The following FTO variants were observed in gnomAD, a reference collection of about 807,000 sequenced individuals.
FTO encodes the protein alpha-ketoglutarate-dependent dioxygenase FTO.
A neutral mutation model predicts 63.9 loss-of-function variants in FTO; 47 were observed. That is an observed-to-expected ratio of 0.74 (90% CI 0.58 to 0.94). The LOEUF (loss-of-function observed/expected upper bound fraction) is 0.94. Ranked by LOEUF, FTO falls within the 40% of genes least tolerant of loss-of-function variation. The probability of loss-of-function intolerance (pLI) is 0.00; values close to 1 mark genes in which losing one functional copy is unlikely to be tolerated. For synonymous variants in FTO, 207 were observed against 224.4 expected (o/e 0.92, Z 0.69); for missense variants, 562 against 618.1 (o/e 0.91, Z 0.96).
intron 4 of FTO, among the ~76,000 whole-genome samples, chr16:53,852,070 A>G (rs1356860144): frequency 2.0e-5 from 3 of 149,680 alleles, no homozygotes; most frequent in Non-Finnish European, 3.0e-5. Flanking sequence ...AGCCTGGGCA[A>G]CATGGCAAAA....
At chr16:53,873,744 TAATAA>T in intron 4 of FTO, 37 bp from the exon 5 acceptor site, 1 of 1,430,162 alleles carries the variant, frequency 7.0e-7, no homozygotes, top group Non-Finnish European at 9.9e-7. Flanking sequence ...ATATACTGAC[TAATAA>T]ATATGGTTTT....
chr16:54,082,343 C>G (rs1246301054), intron 8 of FTO, among the ~76,000 whole-genome samples: 2 of 152,146 alleles, frequency 1.3e-5, no homozygotes, highest in Admixed American at 1.3e-4. Flanking sequence ...CTGTGGAAAC[C>G]AACATTCCCA....
intron 8 of FTO, chr16:53,937,214 A>G (rs889193159): frequency 3.8e-5 from 15 of 398,430 alleles, no homozygotes; most frequent in African/African-American, 3.1e-4. Flanking sequence ...CCCTCTCCAA[A>G]TAGGCTTATT....
intron 1 of FTO, among the ~76,000 whole-genome samples, chr16:53,768,937 A>G (rs894286943): frequency 1.3e-5 from 2 of 152,180 alleles, no homozygotes; most frequent in Admixed American, 1.3e-4. Context: ...TTTAACCCAC[A>G]ATGAAGTTAA....
chr16:53,904,349 G>A lies in FTO; in HGVS notation c.1239+15398G>A, dbSNP rs1241767045. Among the ~76,000 whole-genome samples the A allele has an allele frequency of 2.6e-5, 4 of 152,156 alleles. No individual in the cohort carries two copies. In the East Asian group the frequency reaches 7.7e-4, roughly 29 times the overall value. ...GGTTTGCACTGAGGTGGGAGCAACT[G>A]TTCTCTTAATTGCTATAATAATCTT... On this transcript the variant is annotated intron_variant, in intron 7 of 8. Coordinates refer to ENST00000471389, the MANE Select transcript of FTO (RefSeq NM_001080432.3).
chr16:53,825,778 CA>C, intron 2 of FTO, 85 bp from the exon 3 acceptor site: 1 of 1,529,522 alleles, frequency 6.5e-7, no homozygotes, highest in African/African-American at 1.4e-5. Flanking sequence ...CACAACTCCC[CA>C]AATGCTTACA....
intron 8 of FTO, among the ~76,000 whole-genome samples, chr16:53,936,881 G>A (rs1050440258): frequency 1.3e-5 from 2 of 152,148 alleles, no homozygotes; most frequent in Non-Finnish European, 2.9e-5. Flanking sequence ...TTTAGTATAA[G>A]TCTTTTGTAA....
intron 8 of FTO, among the ~76,000 whole-genome samples, chr16:53,976,731 C>G (rs1760047860): frequency 6.6e-6 from 1 of 151,952 alleles, no homozygotes; most frequent in African/African-American, 2.4e-5. Flanking sequence ...TTTATGTCAT[C>G]TTTTGTGTTC....
At chr16:53,901,255 TTAA>T (rs1158387705) in intron 7 of FTO, among the ~76,000 whole-genome samples, 1 of 152,218 alleles carries the variant, frequency 6.6e-6, no homozygotes, top group Non-Finnish European at 1.5e-5. Flanking sequence ...GAATACCAGC[TTAA>T]TAATTTTGGA....
At chr16:53,761,629 CG>C (rs963845116) in intron 1 of FTO, among the ~76,000 whole-genome samples, 2 of 152,140 alleles carry the variant, frequency 1.3e-5, no homozygotes, top group African/African-American at 4.8e-5. Context: ...ACTATCCTCA[CG>C]GAAATTGGTT....
rs1312577056 is a variant in FTO at position 54,117,459 on chromosome 16, T to C, written c.*5544T>C. On this transcript the variant is annotated 3_prime_UTR_variant, in exon 9 of 9. Transcript: ENST00000471389. ...TTGTTCTGTCCCCTACGATCAGCCATGTTAAGTGATTCATATCATGTCTGG... is the reference window on the plus strand; with the variant it reads ...TTGTTCTGTCCCCTACGATCAGCCACGTTAAGTGATTCATATCATGTCTGG... 2.6e-5 allele frequency: 4 copies of C among 152,212 alleles called. No homozygotes were observed. The highest frequency in any genetic ancestry group is 9.7e-5 in the African/African-American group (4 of 41,446). The allele number at this position is 152,212 out of a possible 1,614,324, so 9.4% of individuals were successfully genotyped here.
chr16:53,736,035 A>T (rs8064115), intron 1 of FTO, among the ~76,000 whole-genome samples: 10,128 of 152,190 alleles, frequency 0.067, 1,091 homozygotes, highest in African/African-American at 0.23. Context: ...GGCACTAATA[A>T]TTTTTTAATA....
intron 2 of FTO, among the ~76,000 whole-genome samples, chr16:53,824,604 G>A (rs1229754924): frequency 6.6e-6 from 1 of 151,652 alleles, no homozygotes; most frequent in Non-Finnish European, 1.5e-5. Flanking sequence ...ATAAACAGAT[G>A]CTGCATGAAA....
At chr16:53,988,370 T>G (rs568876026) in intron 8 of FTO, among the ~76,000 whole-genome samples, 1 of 152,258 alleles carries the variant, frequency 6.6e-6, no homozygotes, top group Non-Finnish European at 1.5e-5. Context: ...CCAGCTTTAT[T>G]TTTTACGTTG....
intron 1 of FTO, among the ~76,000 whole-genome samples, chr16:53,796,090 G>A (rs1254708383): frequency 1.5e-5 from 2 of 131,550 alleles, no homozygotes; most frequent in Non-Finnish European, 3.1e-5. Flanking sequence ...ACTCTGTTGT[G>A]TAGGCTGGAG....
At chr16:54,059,047 A>G (rs2085508909) in intron 8 of FTO, among the ~76,000 whole-genome samples, 3 of 152,250 alleles carry the variant, frequency 2.0e-5, no homozygotes, top group Non-Finnish European at 4.4e-5. Context: ...CAGACAATAC[A>G]GATGATAAAG....
chr16:53,725,907 G>A (rs1227847033), intron 1 of FTO, among the ~76,000 whole-genome samples: 1 of 152,192 alleles, frequency 6.6e-6, no homozygotes, highest in Non-Finnish European at 1.5e-5. Context: ...AAGGCTGTAA[G>A]AAGACCTGTC....
intron 4 of FTO, among the ~76,000 whole-genome samples, chr16:53,857,470 C>CTCTA (rs1555486183): frequency 1.3e-5 from 2 of 149,108 alleles, no homozygotes; most frequent in South Asian, 2.1e-4. Flanking sequence ...CTCTCTCTTT[C>CTCTA]TATATATATA....
intron 8 of FTO, among the ~76,000 whole-genome samples, chr16:54,027,346 T>G (rs2084735853): frequency 6.6e-6 from 1 of 152,146 alleles, no homozygotes; most frequent in Non-Finnish European, 1.5e-5. Context: ...TGAGCTGGCT[T>G]GATAAGGGAA....
Sources: gnomAD v4.1 joint callset for allele counts (sites outside exome capture counted in the v4.1 genomes callset) on GRCh38, gnomAD v4.1.1 for gene constraint, MANE v1.5 for transcripts, NCBI Gene and HGNC (gene_info 2026-07-23, HGNC 2026-07-21) for gene names.